Variants in LHX8 observed in about 807,000 individuals in gnomAD.
LHX8 encodes the protein LIM homeobox 8.
Under a neutral mutation model 40.3 loss-of-function variants are expected in LHX8, and 12 were observed. That is an observed-to-expected ratio of 0.30 (90% CI 0.19 to 0.48). LHX8 has a LOEUF of 0.48. Among genes scored for constraint, LHX8 ranks in the 20% least tolerant of loss-of-function variants. LHX8 has a pLI of 0.99. For missense variants in LHX8, 344 were observed against 433.7 expected (o/e 0.79, Z 1.84); for synonymous variants, 179 against 162.0 (o/e 1.10, Z -0.80).
the LHX8 span, among the ~76,000 whole-genome samples, chr1:75,188,022 T>C: frequency 6.6e-6 from 1 of 152,166 alleles, no homozygotes; most frequent in Non-Finnish European, 1.5e-5. Context: ...TGCCCCTTCA[T>C]CTGTCCTTCC....
At chr1:75,135,029 C>T in intron 1 of LHX8, 75 bp downstream of exon 1, 1 of 702,028 alleles carries the variant, frequency 1.4e-6, no homozygotes, top group Non-Finnish European at 1.8e-6. Context: ...GACTGGGCGG[C>T]TGTCGGGTGG....
intron 5 of LHX8, 62 bp downstream of exon 5, chr1:75,143,400 C>A: frequency 7.7e-7 from 1 of 1,293,060 alleles, no homozygotes. Flanking sequence ...ATAAAAATAA[C>A]TTTTCCTAAG....
At chr1:75,193,788 G>T in the LHX8 span, among the ~76,000 whole-genome samples, 2 of 152,126 alleles carry the variant, frequency 1.3e-5, no homozygotes, top group Non-Finnish European at 2.9e-5. Context: ...TTCTTTGCTT[G>T]AAGTGCCATC....
At chr1:75,173,702 A>G in the LHX8 span, among the ~76,000 whole-genome samples, 1 of 152,070 alleles carries the variant, frequency 6.6e-6, no homozygotes. Context: ...ACTGTTAATC[A>G]TTATGCTATC....
intron 6 of LHX8, among the ~76,000 whole-genome samples, chr1:75,148,021 ACT>A (rs1311354892): frequency 6.6e-6 from 1 of 152,138 alleles, no homozygotes; most frequent in Non-Finnish European, 1.5e-5. Flanking sequence ...ACATGTTTAG[ACT>A]CTGGTAAATT....
intron 4 of LHX8, among the ~76,000 whole-genome samples, 199 bp from the exon 5 acceptor site, chr1:75,142,919 T>G (rs1428782531): frequency 6.6e-6 from 1 of 152,204 alleles, no homozygotes; most frequent in East Asian, 1.9e-4. Context: ...ATAAACAGCT[T>G]TGAGTTGTGA....
At chr1:75,192,196 A>G in the LHX8 span, among the ~76,000 whole-genome samples, 3 of 152,220 alleles carry the variant, frequency 2.0e-5, no homozygotes, top group African/African-American at 7.2e-5. Flanking sequence ...GTTAATTAAT[A>G]TAGTTGTCAT....
chr1:75,157,294 G>C (rs909212633), intron 8 of LHX8, among the ~76,000 whole-genome samples: 5 of 152,180 alleles, frequency 3.3e-5, no homozygotes, highest in African/African-American at 1.2e-4. Flanking sequence ...CAGCTAAGAT[G>C]CAAATATTAA....
intron 6 of LHX8, 114 bp from the exon 7 acceptor site, chr1:75,148,473 T>C (rs1648521701): frequency 3.9e-6 from 3 of 760,580 alleles, no homozygotes; most frequent in Non-Finnish European, 7.1e-6. Flanking sequence ...GATTTTCAAG[T>C]AACAAAAGTA....
chr1:75,138,867 A>C (rs1648226950), intron 3 of LHX8, among the ~76,000 whole-genome samples: 2 of 152,168 alleles, frequency 1.3e-5, no homozygotes, highest in Admixed American at 1.3e-4. Flanking sequence ...GTAATAGGGC[A>C]GGAGTCCTCC....
Position 75,136,613 on chromosome 1 carries a change from T to A in LHX8, c.-2T>A. On this transcript the variant is annotated 5_prime_UTR_variant, in exon 2 of 9. Transcript: ENST00000356261. ...CCTCCTACTCCGCAGTGTCAGGGGC[T>A]CATGTCAGAGGAGTGCGGGCGGACT... 6.5e-7 allele frequency: 1 copy of A among 1,550,028 alleles called. No homozygotes were observed. Among genetic ancestry groups the A allele is most frequent in the Non-Finnish European group, 8.7e-7 (1 of 1,146,496 alleles).
the LHX8 span, among the ~76,000 whole-genome samples, chr1:75,172,277 A>G: frequency 6.6e-6 from 1 of 152,210 alleles, no homozygotes; most frequent in African/African-American, 2.4e-5. Context: ...AAACAGTCAC[A>G]TTTAAATACA....
the LHX8 span, among the ~76,000 whole-genome samples, chr1:75,170,882 G>C: frequency 6.6e-6 from 1 of 152,198 alleles, no homozygotes; most frequent in Non-Finnish European, 1.5e-5. Flanking sequence ...TCTGCTGTGA[G>C]CTGGGGGCTT....
upstream of LHX8, chr1:75,130,634 G>A: frequency 7.9e-7 from 1 of 1,258,974 alleles, no homozygotes; most frequent in South Asian, 1.2e-5. Context: ...AGAAACTGTG[G>A]GTAGCAAGGT....
chr1:75,168,849 A>G, the LHX8 span, among the ~76,000 whole-genome samples: 4 of 152,106 alleles, frequency 2.6e-5, no homozygotes, highest in South Asian at 6.2e-4. Flanking sequence ...TTTACCCTTG[A>G]AATGTCTCTA....
downstream of LHX8, among the ~76,000 whole-genome samples, chr1:75,164,195 T>C (rs1648986942): frequency 1.3e-5 from 2 of 152,232 alleles, no homozygotes; most frequent in East Asian, 3.8e-4. Flanking sequence ...GGATGTCCTG[T>C]TTGAGTGCCT....
At chr1:75,137,911 T>C (rs1189709639) in intron 3 of LHX8, among the ~76,000 whole-genome samples, 1 of 152,248 alleles carries the variant, frequency 6.6e-6, no homozygotes, top group Non-Finnish European at 1.5e-5. Context: ...TTCCTGCTCT[T>C]ATTAAGGTTT....
chr1:75,179,371 A>T, the LHX8 span, among the ~76,000 whole-genome samples: 1 of 152,026 alleles, frequency 6.6e-6, no homozygotes, highest in Admixed American at 6.6e-5. Context: ...TTGGGTGCAT[A>T]TATATTTAGG....
At chr1:75,151,203 C>A (rs1386345727) in intron 7 of LHX8, among the ~76,000 whole-genome samples, 1 of 152,142 alleles carries the variant, frequency 6.6e-6, no homozygotes, top group Non-Finnish European at 1.5e-5. Flanking sequence ...ATGGAAAAGA[C>A]CTGATGATAC....
Sources: allele counts gnomAD v4.1 joint callset (sites outside exome capture counted in the v4.1 genomes callset), GRCh38; gene constraint gnomAD v4.1.1; transcripts MANE v1.5; gene names NCBI Gene and HGNC (gene_info 2026-07-23, HGNC 2026-07-21).